The following UBR2 variants were observed in gnomAD, a reference collection of about 807,000 sequenced individuals.
UBR2 encodes the protein E3 ubiquitin-protein ligase UBR2.
In UBR2, 92 loss-of-function variants were observed where a neutral mutation model predicts 247.9. That is an observed-to-expected ratio of 0.37 (90% CI 0.31 to 0.44). The LOEUF (loss-of-function observed/expected upper bound fraction) is 0.44. Ranked by LOEUF, UBR2 falls within the 20% of genes least tolerant of loss-of-function variation. The probability of loss-of-function intolerance (pLI) is 1.00; values close to 1 mark genes in which losing one functional copy is unlikely to be tolerated. For synonymous variants in UBR2, 672 were observed against 693.5 expected (o/e 0.97, Z 0.49); for missense variants, 1,613 against 2,112.6 (o/e 0.76, Z 4.64).
chr6:42,614,447 T>C lies in UBR2; in HGVS notation c.986-624T>C, dbSNP rs1398666813. Among the ~76,000 whole-genome samples the C allele has an allele frequency of 5.3e-3, 312 of 58,896 alleles. 1 individual carries two copies. Among genetic ancestry groups the C allele is most frequent in the Middle Eastern group, 8.5e-3 (1 of 118 alleles). The allele number at this position is 58,896 out of a possible 152,430, so 38.6% of individuals were successfully genotyped here. On this transcript the variant is annotated intron_variant, in intron 8 of 46. Transcript: ENST00000372901. The stretch of plus-strand genomic sequence containing the variant: ...ACATATATATGTATGTACGTACATA[T>C]ATATGTATGGAACAAATAAGTGTTA...
chr6:42,682,160 A>G (rs1390277514), intron 42 of UBR2, among the ~76,000 whole-genome samples: 1 of 152,184 alleles, frequency 6.6e-6, no homozygotes, highest in Non-Finnish European at 1.5e-5. Context: ...GCCAGTCACA[A>G]AAGGATAAAT....
At chr6:42,618,411 A>T (rs1391574147) in intron 11 of UBR2, among the ~76,000 whole-genome samples, 1 of 152,206 alleles carries the variant, frequency 6.6e-6, no homozygotes, top group African/African-American at 2.4e-5. Context: ...GTTTAAGAGC[A>T]TTTTATAGTT....
rs376693549 is a variant in UBR2 at position 42,641,712 on chromosome 6, A to G, written c.2031+20A>G. ...AACCAGGTAAGTGTTTTCTAATTCTATGAAGAGTTTTCATTCCATTCTTGG... is the reference window on the plus strand; with the variant it reads ...AACCAGGTAAGTGTTTTCTAATTCTGTGAAGAGTTTTCATTCCATTCTTGG... On this transcript the variant is annotated intron_variant, in intron 17 of 46. Coordinates refer to ENST00000372901, the MANE Select transcript of UBR2 (RefSeq NM_001363705.2). 2.9e-5 allele frequency: 46 copies of G among 1,591,114 alleles called. No individual in the cohort carries two copies. The highest frequency in any genetic ancestry group is 9.4e-5 in the African/African-American group (7 of 74,122).
chr6:42,689,214 G>GA lies in UBR2; in HGVS notation c.5025-353dup, dbSNP rs1403603118. 2.0e-5 allele frequency among the ~76,000 whole-genome samples: 3 copies of GA among 152,216 alleles called. No individual in the cohort carries two copies. Among genetic ancestry groups the GA allele is most frequent in the African/African-American group, 7.2e-5 (3 of 41,460 alleles). ...CAAGGTGTAAGCCATTTCAGGGTTT[G>GA]AAGCAGAGGCATGACATGAGTGTGG... On this transcript the variant is annotated intron_variant, in intron 45 of 46. Coordinates refer to ENST00000372901, the MANE Select transcript of UBR2 (RefSeq NM_001363705.2). This position sits in a 1 kb window ranked among gnomAD's most constrained non-coding sequence, Gnocchi z 4.0.
chr6:42,645,435 G>T lies in UBR2; in HGVS notation c.2285-31G>T, dbSNP rs775414281. On this transcript the variant is annotated intron_variant, in intron 20 of 46. Coordinates refer to ENST00000372901, the MANE Select transcript of UBR2 (RefSeq NM_001363705.2). ...CGAAAGTATTGTGATTATGTTAAAT[G>T]TATGTATATGTACTTTTCCATTTTT... 2.5e-6 allele frequency: 4 copies of T among 1,595,116 alleles called. No homozygotes were observed. The Admixed American group carries it at 5.3e-5, about 21-fold the overall frequency.
chr6:42,623,526 A>G (rs928053558), intron 11 of UBR2, among the ~76,000 whole-genome samples: 1 of 152,194 alleles, frequency 6.6e-6, no homozygotes, highest in African/African-American at 2.4e-5. Context: ...ATCTCAGCTC[A>G]CTACAACCTC....
intron 44 of UBR2, among the ~76,000 whole-genome samples, chr6:42,686,097 T>G (rs759224602): frequency 7.9e-5 from 12 of 152,072 alleles, no homozygotes; most frequent in Non-Finnish European, 1.5e-4. Context: ...TAATTAGTAT[T>G]TATTGATCAT....
chr6:42,662,411 A>G, intron 31 of UBR2, 134 bp downstream of exon 31: 1 of 593,032 alleles, frequency 1.7e-6, no homozygotes, highest in Non-Finnish European at 2.9e-6. Context: ...TTGCCTAATA[A>G]ATAACAAAAG....
At position 42,689,968 on chromosome 6, in the gene UBR2, A is replaced by G. The variant is rs1286654179; in HGVS notation, c.5126+298A>G. 6.6e-6 allele frequency among the ~76,000 whole-genome samples: 1 copy of G among 152,212 alleles called. No homozygotes were observed. The highest frequency in any genetic ancestry group is 1.5e-5 in the Non-Finnish European group (1 of 68,036). ...ATAGCATCCCAGCTCAGAGCACTCC[A>G]GGGATGGCCCACTCTGACTTGTATG... On this transcript the variant is annotated intron_variant, in intron 46 of 46. Coordinates refer to ENST00000372901, the MANE Select transcript of UBR2 (RefSeq NM_001363705.2). This position sits in a 1 kb window ranked among gnomAD's most constrained non-coding sequence, Gnocchi z 4.0.
chr6:42,595,274 C>T (rs1291498345), intron 4 of UBR2, among the ~76,000 whole-genome samples: 1 of 152,162 alleles, frequency 6.6e-6, no homozygotes, highest in East Asian at 1.9e-4. Context: ...TAGCTTTGTT[C>T]TTGTATCCGT....
rs1370657413 is a variant in UBR2, at chr6:42,614,239, C to T, written c.986-832C>T. ...ATATACACACACACACACACACACACACACACGCGCGCACATATATATACA... is the reference window on the plus strand; with the variant it reads ...ATATACACACACACACACACACACATACACACGCGCGCACATATATATACA... On this transcript the variant is annotated intron_variant, in intron 8 of 46. Transcript: ENST00000372901. 8.8e-4 allele frequency among the ~76,000 whole-genome samples: 40 copies of T among 45,346 alleles called. 3 individuals carry two copies. Among genetic ancestry groups the T allele is most frequent in the African/African-American group, 2.9e-3 (39 of 13,336 alleles). 29.7% of individuals were successfully genotyped at this position (45,346 alleles called of 152,430 possible). A position where few individuals can be genotyped will look rare whatever the true frequency, so the allele number is the denominator to read the frequency against.
At chr6:42,687,469 CTG>C (rs1385468728) in intron 44 of UBR2, among the ~76,000 whole-genome samples, 1 of 152,126 alleles carries the variant, frequency 6.6e-6, no homozygotes, top group Non-Finnish European at 1.5e-5. Flanking sequence ...CAGAGGGAGA[CTG>C]TGCAAAGGGG....
chr6:42,606,535 G>A lies in UBR2; in HGVS notation c.802-54G>A, dbSNP rs1793708297. 2.0e-6 allele frequency: 3 copies of A among 1,486,808 alleles called. No homozygotes were observed. In the Admixed American group the frequency reaches 5.2e-5, roughly 26 times the overall value. 92.1% of individuals were successfully genotyped at this position (1,486,808 alleles called of 1,614,324 possible). On this transcript the variant is annotated intron_variant, in intron 6 of 46. Coordinates refer to ENST00000372901, the MANE Select transcript of UBR2 (RefSeq NM_001363705.2). ...AACATGTTTGTTTACTGGTTTAAAAGTTATTAATATTGAATACAATACTTT... is the reference window on the plus strand; with the variant it reads ...AACATGTTTGTTTACTGGTTTAAAAATTATTAATATTGAATACAATACTTT...
intron 29 of UBR2, 106 bp downstream of exon 29, chr6:42,658,930 A>G (rs564614060): frequency 2.4e-6 from 3 of 1,236,188 alleles, no homozygotes; most frequent in Non-Finnish European, 3.2e-6. Flanking sequence ...AAAGTAATTT[A>G]GTAGAATTCA....
At chr6:42,584,815 A>T (rs1562284469) in intron 2 of UBR2, among the ~76,000 whole-genome samples, 2 of 152,128 alleles carry the variant, frequency 1.3e-5, no homozygotes, top group South Asian at 2.1e-4. Flanking sequence ...ATTATGAAGA[A>T]ATACAGCTGG....
chr6:42,611,110 T>G (rs1188884821), intron 7 of UBR2, among the ~76,000 whole-genome samples: 1 of 146,740 alleles, frequency 6.8e-6, no homozygotes, highest in Non-Finnish European at 1.5e-5. Flanking sequence ...CCTTCCAAAG[T>G]GCTGGGATTA....
At chr6:42,628,945 G>A (rs949886169) in intron 11 of UBR2, among the ~76,000 whole-genome samples, 4 of 152,040 alleles carry the variant, frequency 2.6e-5, no homozygotes, top group African/African-American at 9.7e-5. Context: ...TAGGTAATGA[G>A]CCTTGCAATG....
At chr6:42,632,070 ATATAT>A (rs1226504048) in intron 11 of UBR2, among the ~76,000 whole-genome samples, 10 of 101,982 alleles carry the variant, frequency 9.8e-5, no homozygotes, top group East Asian at 5.4e-4. Flanking sequence ...AAAAAAAAAA[ATATAT>A]ATATATATAT....
chr6:42,637,080 G>A lies in UBR2; in HGVS notation c.1744G>A (p.Asp582Asn), dbSNP rs1289528608. 5 of 1,614,034 alleles carry A rather than the reference G, an allele frequency of 3.1e-6. No homozygotes were observed. The highest frequency in any genetic ancestry group is 4.2e-6 in the Non-Finnish European group (5 of 1,180,022). Residue 582 changes from aspartate to asparagine, a missense_variant, in exon 15 of 47, where the codon GAT (aspartate) becomes AAT (asparagine). By Grantham distance (23) the Asp-to-Asn change is conservative. Around this residue, in one of 3 missense-constraint regions of UBR2, gnomAD observed 1,524 missense variants for 1,967.3 expected, o/e 0.77. Coordinates refer to ENST00000372901, the MANE Select transcript of UBR2 (RefSeq NM_001363705.2). Reference sequence around the variant, plus strand: ...GATGCAGTGTCATGGTGGTTATACTGATGGTGAACAGCCAATCACACTAAG... The same window carrying A: ...GATGCAGTGTCATGGTGGTTATACTAATGGTGAACAGCCAATCACACTAAG... ...VLMQCHGGYTDGEQPITLSIC... is the reference protein window; with the variant it reads ...VLMQCHGGYTNGEQPITLSIC...
Sources: allele counts gnomAD v4.1 joint callset (sites outside exome capture counted in the v4.1 genomes callset), GRCh38; gene constraint gnomAD v4.1.1; regional missense constraint gnomAD v4.1.1; non-coding constraint Gnocchi (gnomAD v3.1); transcripts MANE v1.5; gene names NCBI Gene and HGNC (gene_info 2026-07-23, HGNC 2026-07-21).